Variants in PAK1 observed in about 807,000 individuals in gnomAD.
The protein encoded by PAK1 is serine/threonine-protein kinase PAK 1.
PAK1 carries 29 observed loss-of-function variants against 67.4 expected under a neutral mutation model. The observed-to-expected ratio is 0.43, with a 90% confidence interval of 0.32 to 0.59. The LOEUF is 0.59. PAK1 is among the 20% of genes least tolerant of loss of function. The pLI is 0.07. For missense variants in PAK1, 337 were observed against 670.7 expected (o/e 0.50, Z 5.50); for synonymous variants, 223 against 237.4 (o/e 0.94, Z 0.56).
chr11:77,454,377 A>G (rs904087580), intron 1 of PAK1, among the ~76,000 whole-genome samples: 3 of 152,116 alleles, frequency 2.0e-5, no homozygotes, highest in Non-Finnish European at 4.4e-5. Context: ...CCGGTTTTAT[A>G]TCTCACAACC....
chr11:77,493,970 T>C, the PAK1 span, among the ~76,000 whole-genome samples: 1 of 152,214 alleles, frequency 6.6e-6, no homozygotes, highest in Non-Finnish European at 1.5e-5. Context: ...AGATTGATAA[T>C]GCCAATGCTG....
the PAK1 span, among the ~76,000 whole-genome samples, chr11:77,494,582 G>C: frequency 2.8e-5 from 4 of 141,032 alleles, no homozygotes; most frequent in Non-Finnish European, 6.0e-5. Context: ...TGTTAGGATA[G>C]CTACTATTAA....
intron 1 of PAK1, among the ~76,000 whole-genome samples, chr11:77,464,640 G>A (rs962403831): frequency 3.9e-5 from 6 of 152,140 alleles, no homozygotes; most frequent in African/African-American, 9.7e-5. Context: ...ATTAGGTTAC[G>A]ACCTGATAAA....
At chr11:77,454,660 A>G (rs2135426324) in intron 1 of PAK1, among the ~76,000 whole-genome samples, 1 of 152,296 alleles carries the variant, frequency 6.6e-6, no homozygotes, top group East Asian at 1.9e-4. Context: ...TTGATTCATA[A>G]GTCTGAGATG....
At chr11:77,332,507 C>T (rs1230070055) in intron 14 of PAK1, among the ~76,000 whole-genome samples, 1 of 150,856 alleles carries the variant, frequency 6.6e-6, no homozygotes, top group East Asian at 2.0e-4. Flanking sequence ...AGATTGTAAA[C>T]TGAGCCTAGG....
chr11:77,435,912 T>C (rs1289649919), intron 1 of PAK1, among the ~76,000 whole-genome samples: 3 of 152,184 alleles, frequency 2.0e-5, no homozygotes, highest in African/African-American at 7.2e-5. Flanking sequence ...TAGATTTGTG[T>C]GTTTTTCCAA....
chr11:77,501,606 GC>G, the PAK1 span, among the ~76,000 whole-genome samples: 1 of 152,180 alleles, frequency 6.6e-6, no homozygotes. Context: ...TCACACTGAT[GC>G]TCAGGGACAG....
rs775084838 is a variant in PAK1 at position 77,358,854 on chromosome 11, T to TA, written c.597+43dup. On this transcript the variant is annotated intron_variant, in intron 6 of 14. Coordinates refer to ENST00000356341, the MANE Select transcript of PAK1 (RefSeq NM_002576.5). Reference sequence around the variant, plus strand: ...GCACCAACTCCTCCCTCTCCCCACTTACTCTAATAAATCACAAAACTGGCC... The same window carrying TA: ...GCACCAACTCCTCCCTCTCCCCACTTAACTCTAATAAATCACAAAACTGGCC... 2.6e-5 allele frequency: 42 copies of TA among 1,606,706 alleles called. No individual in the cohort carries two copies. In the African/African-American group the frequency reaches 4.6e-4, roughly 17 times the overall value.
At chr11:77,373,709 C>T (rs916756131) in intron 5 of PAK1, among the ~76,000 whole-genome samples, 2 of 152,092 alleles carry the variant, frequency 1.3e-5, no homozygotes, top group Admixed American at 6.6e-5. Context: ...ACAGAGAGAT[C>T]ATCTAGTTTA....
intron 2 of PAK1, among the ~76,000 whole-genome samples, chr11:77,388,772 G>C (rs618012): frequency 0.67 from 101,610 of 152,106 alleles, 34,415 homozygotes; most frequent in African/African-American, 0.77. Flanking sequence ...GCCAATTTAT[G>C]GAAGAACCAA....
chr11:77,451,598 T>A (rs1044485434), intron 1 of PAK1, among the ~76,000 whole-genome samples: 1 of 132,952 alleles, frequency 7.5e-6, no homozygotes, highest in Non-Finnish European at 1.5e-5. Flanking sequence ...ATGTCTTTTG[T>A]TTTTTTTTGT....
intron 1 of PAK1, among the ~76,000 whole-genome samples, chr11:77,394,094 G>C (rs1330538007): frequency 2.0e-5 from 3 of 152,098 alleles, no homozygotes; most frequent in Non-Finnish European, 4.4e-5. Context: ...CCTTGACAAT[G>C]GATACATATG....
At position 77,345,173 on chromosome 11, in the gene PAK1, T is replaced by A. The variant is rs547466970; in HGVS notation, c.886-1242A>T. Among the ~76,000 whole-genome samples the A allele has an allele frequency of 2.0e-5, 3 of 152,306 alleles. No homozygotes were observed. In the South Asian group the frequency reaches 6.2e-4, roughly 32 times the overall value. ...TATCATGTATAATGATTAGTGTGTA[T>A]GTTTGTGTGTATTGAGAGGTTTGAG... On this transcript the variant is annotated intron_variant, in intron 9 of 14. Transcript: ENST00000356341.
chr11:77,326,557 C>A (rs543906805), intron 14 of PAK1, among the ~76,000 whole-genome samples: 1 of 152,178 alleles, frequency 6.6e-6, no homozygotes, highest in East Asian at 1.9e-4. Context: ...TGGTGGTGCA[C>A]GCCTATAGTC....
At chr11:77,499,529 TC>T in the PAK1 span, among the ~76,000 whole-genome samples, 2 of 152,186 alleles carry the variant, frequency 1.3e-5, no homozygotes, top group Non-Finnish European at 2.9e-5. Flanking sequence ...ACTGTATAGT[TC>T]CTACTCATCC....
intron 13 of PAK1, among the ~76,000 whole-genome samples, chr11:77,335,638 G>A (rs958353156): frequency 6.6e-6 from 1 of 152,090 alleles, no homozygotes; most frequent in African/African-American, 2.4e-5. Context: ...CGGCCAAAAT[G>A]ATCTGTTTAA....
chr11:77,373,215 T>C (rs1368109640), intron 5 of PAK1, among the ~76,000 whole-genome samples: 1 of 152,234 alleles, frequency 6.6e-6, no homozygotes, highest in East Asian at 1.9e-4. Context: ...TAACCACCTA[T>C]GTACAAGAGA....
intron 14 of PAK1, 92 bp downstream of exon 14, chr11:77,332,638 C>T: frequency 1.0e-6 from 1 of 993,532 alleles, no homozygotes; most frequent in Non-Finnish European, 1.5e-6. Context: ...AAGCCTAGTT[C>T]TATAATATCC....
intron 9 of PAK1, among the ~76,000 whole-genome samples, chr11:77,347,857 G>A (rs940150820): frequency 2.6e-5 from 4 of 152,200 alleles, no homozygotes; most frequent in East Asian, 1.9e-4. Flanking sequence ...CAACACTTTC[G>A]TGGACATTTT....
Sources: allele counts gnomAD v4.1 joint callset (sites outside exome capture counted in the v4.1 genomes callset), GRCh38; gene constraint gnomAD v4.1.1; transcripts MANE v1.5; gene names NCBI Gene and HGNC (gene_info 2026-07-23, HGNC 2026-07-21).